Variants in SCARF2 observed in about 807,000 individuals in gnomAD.
SCARF2 encodes the protein scavenger receptor class F member 2.
SCARF2 carries 39 observed loss-of-function variants against 73.4 expected under a neutral mutation model. The observed-to-expected ratio is 0.53, with a 90% CI of 0.41 to 0.69. The LOEUF (loss-of-function observed/expected upper bound fraction) is 0.69, where lower values mean the gene tolerates loss of function less well. Ranked by LOEUF, SCARF2 falls within the 30% of genes least tolerant of loss-of-function variation. The probability of loss-of-function intolerance (pLI) is 0.00; values close to 1 mark genes in which losing one functional copy is unlikely to be tolerated. For synonymous variants in SCARF2, 605 were observed against 590.0 expected, an observed-to-expected ratio of 1.03 and a Z score of -0.37; for missense variants, 1,148 against 1,303.5, an observed-to-expected ratio of 0.88 and a Z score of 1.84.
rs1414013820 is a variant in SCARF2, at chr22:20,430,870, G to A, written c.893C>T (p.Ala298Val). 6.2e-7 allele frequency: 1 copy of A among 1,604,880 alleles called. No homozygotes were observed. Among genetic ancestry groups the A allele is most frequent in the Non-Finnish European group, 8.5e-7 (1 of 1,178,030 alleles). Residue 298 changes from alanine (A) to valine (V), a missense_variant, in exon 5 of 11, where the codon GCC (alanine) becomes GTC (valine). Physicochemically the swap from Ala to Val is moderately conservative, Grantham distance 64. Coordinates refer to ENST00000622235, the MANE Select transcript of SCARF2 (RefSeq NM_182895.5). ...QCKGQQPCTV[A>V]EGRCLTCEPG... Reference sequence around the variant, plus strand: ...CTCGCACGTCAAGCAGCGGCCCTCGGCCACCGTGCACGGCTGCTGGCCCTT... The same window carrying A: ...CTCGCACGTCAAGCAGCGGCCCTCGACCACCGTGCACGGCTGCTGGCCCTT...
At position 20,430,578 on chromosome 22, in the gene SCARF2, C is replaced by T. The variant is rs200348599; in HGVS notation, c.1074-21G>A. On this transcript the variant is annotated intron_variant, in intron 5 of 10. Coordinates refer to ENST00000622235, the MANE Select transcript of SCARF2 (RefSeq NM_182895.5). ...CGCACCTTGGAAAGAGGGGAGGAGG[C>T]GTCAGCAGAAATGGAGGCAAACGGA... is the stretch of plus-strand genomic sequence containing the variant. 2,178 of 1,611,862 alleles carry T rather than the reference C, an allele frequency of 1.4e-3. 2 individuals carry two copies. The highest frequency in any genetic ancestry group is 1.7e-3 in the Admixed American group (100 of 59,862).
intron 9 of SCARF2, 38 bp from the exon 10 acceptor site, chr22:20,427,588 C>T: frequency 6.2e-7 from 1 of 1,607,840 alleles, no homozygotes; most frequent in Non-Finnish European, 8.5e-7. Context: ...GGGGTCCACT[C>T]TGCCCCAGCC....
chr22:20,425,098 G>T lies in SCARF2; in HGVS notation c.*277C>A. The T allele has an allele frequency of 2.7e-6, 1 of 375,302 alleles. No individual in the cohort carries two copies. 23.2% of individuals were successfully genotyped at this position (375,302 alleles called of 1,614,324 possible). On this transcript the variant is annotated 3_prime_UTR_variant, in exon 11 of 11. Coordinates refer to ENST00000622235, the MANE Select transcript of SCARF2 (RefSeq NM_182895.5). The surrounding 1 kb of genome is among the most constrained non-coding windows in gnomAD (Gnocchi z 4.6). ...CCCTCCCATCTTTGGCCAATGAGAC[G>T]CTGTCTGGTCGGAGCGCTCCATAAC...
chr22:20,429,422 G>A lies in SCARF2; in HGVS notation c.1425-82C>T. 1 of 1,557,960 alleles carries A rather than the reference G, an allele frequency of 6.4e-7. No individual in the cohort carries two copies. The highest frequency in any genetic ancestry group is 1.9e-5 in the Admixed American group (1 of 53,108). On this transcript the variant is annotated intron_variant, in intron 8 of 10. Transcript: ENST00000622235. The surrounding 1 kb of genome is among the most constrained non-coding windows in gnomAD (Gnocchi z 5.2). Reference sequence around the variant, plus strand: ...TAGATCTCGGCCGGAGCCAAGCACAGAAGGGGCGGGGCCACGTCCGGGGCA... The same window carrying A: ...TAGATCTCGGCCGGAGCCAAGCACAAAAGGGGCGGGGCCACGTCCGGGGCA...
chr22:20,434,495 A>G (rs1355654413), intron 1 of SCARF2, among the ~76,000 whole-genome samples: 1 of 152,246 alleles, frequency 6.6e-6, no homozygotes, highest in East Asian at 1.9e-4. Context: ...GCTAATGCCC[A>G]CCAGCAGGAC....
chr22:20,435,654 G>A (rs964642797), intron 1 of SCARF2, among the ~76,000 whole-genome samples: 3 of 152,116 alleles, frequency 2.0e-5, no homozygotes, highest in African/African-American at 7.2e-5. Context: ...CACCCACAGG[G>A]CCTCCGTGCT....
chr22:20,425,825 G>A lies in SCARF2; in HGVS notation c.2151C>T (p.Arg717=), dbSNP rs1419251997. Residue 717 remains arginine (R), a synonymous_variant, in exon 11 of 11, where the codon CGC becomes CGT. Transcript: ENST00000622235. The surrounding 1 kb of genome is among the most constrained non-coding windows in gnomAD (Gnocchi z 4.6). ...HTVEHGSPRT[R]DPTPRPPGLP... is the part of the protein sequence containing the mutation. ...GCCCGGGGGGCCGCGGCGTTGGGTC[G>A]CGGGTCCGGGGGCTGCCGTGTTCGA... The A allele has an allele frequency of 1.9e-6, 3 of 1,549,692 alleles. No homozygotes were observed. The highest frequency in any genetic ancestry group is 2.8e-5 in the African/African-American group (2 of 70,252).
intron 9 of SCARF2, among the ~76,000 whole-genome samples, chr22:20,428,405 A>G (rs775853743): frequency 1.3e-5 from 2 of 151,936 alleles, no homozygotes; most frequent in Non-Finnish European, 2.9e-5. Context: ...CCCAGGTTCA[A>G]GTGATTCTCT....
Position 20,431,598 on chromosome 22 carries a change from G to A in SCARF2, c.335-61C>T. 6 of 1,543,330 alleles carry A rather than the reference G, an allele frequency of 3.9e-6. No individual in the cohort carries two copies. The African/African-American group carries it at 4.1e-5, about 11-fold the overall frequency. ...GTGCTTGAGTAGGTGCCCCCAGCCA[G>A]CCGGAACCTGCCCGCGTCCCGCACT... On this transcript the variant is annotated intron_variant, in intron 3 of 10. Transcript: ENST00000622235.
rs12484828 is a variant in SCARF2 at position 20,427,541 on chromosome 22, T to C, written c.1550A>G (p.His517Arg). 2 of 1,613,138 alleles carry C rather than the reference T, an allele frequency of 1.2e-6. No homozygotes were observed. The highest frequency in any genetic ancestry group is 3.3e-5 in the Admixed American group (2 of 60,004). The change falls in exon 10 of 11, where the codon CAC (histidine) becomes CGC (arginine). Residue 517 changes from histidine (H) to arginine (R), a missense_variant. His to Arg is a conservative substitution (Grantham distance 29, BLOSUM62 0). Around this residue, in one of 5 missense-constraint regions of SCARF2, gnomAD observed 437 missense variants for 433.6 expected, o/e 1.01. Coordinates refer to ENST00000622235, the MANE Select transcript of SCARF2 (RefSeq NM_182895.5). ...QKLPKVVVAHHDLDNTLNCSF... is the reference protein window; with the variant it reads ...QKLPKVVVAHRDLDNTLNCSF... ...GCAGTTGAGTGTGTTATCCAGGTCG[T>C]GGTGGGCCACTGGGGAAGGATGAGG...
At position 20,425,552 on chromosome 22, in the gene SCARF2, C is replaced by A. The variant is rs776515068; in HGVS notation, c.2424G>T (p.Pro808=). The change falls in exon 11 of 11, where the codon CCG becomes CCT. Residue 808 remains proline (P), a synonymous_variant. Transcript: ENST00000622235. The surrounding 1 kb of genome is among the most constrained non-coding windows in gnomAD (Gnocchi z 4.6). ...GGGGCGCGCGGGCGGGCGAGGCTGG[C>A]GGCACGGAGCGCTTGGCTTTCTGTG... ...APPQKAKRSV[P]PASPARAPPA... is the part of the protein sequence containing the mutation. 2 of 1,337,218 alleles carry A rather than the reference C, an allele frequency of 1.5e-6. No homozygotes were observed. The highest frequency in any genetic ancestry group is 1.9e-6 in the Non-Finnish European group (2 of 1,047,710). 82.8% of individuals were successfully genotyped at this position (1,337,218 alleles called of 1,614,324 possible). A position where few individuals can be genotyped will look rare whatever the true frequency, so the allele number is the denominator to read the frequency against.
rs874100 is a variant in SCARF2, at chr22:20,425,532, G to T, written c.2444C>A (p.Ala815Glu). Reference sequence around the variant, plus strand: ...CCCCGGGGTTTCGGTCGCTGGGGGCGCGCGGGCGGGCGAGGCTGGCGGCAC... The same window carrying T: ...CCCCGGGGTTTCGGTCGCTGGGGGCTCGCGGGCGGGCGAGGCTGGCGGCAC... ...RSVPPASPAR[A>E]PPATETPGPE... Residue 815 changes from alanine to glutamate, a missense_variant, in exon 11 of 11, where the codon GCG (alanine) becomes GAG (glutamate). Physicochemically the swap from Ala to Glu is moderately radical, Grantham distance 107. This residue lies in a region of SCARF2 where 169 missense variants were observed against 136.9 expected (regional missense o/e 1.23). Transcript: ENST00000622235. The surrounding 1 kb of genome is among the most constrained non-coding windows in gnomAD (Gnocchi z 4.6). 96 of 1,341,890 alleles carry T rather than the reference G, an allele frequency of 7.2e-5. No individual in the cohort carries two copies. Among genetic ancestry groups the T allele is most frequent in the African/African-American group, 3.2e-4 (21 of 65,588 alleles). The allele number at this position is 1,341,890 out of a possible 1,614,324, so 83.1% of individuals were successfully genotyped here. A position where few individuals can be genotyped will look rare whatever the true frequency, so the allele number is the denominator to read the frequency against.
In SCARF2 at chr22:20,431,243, C is replaced by T; in HGVS notation, c.629G>A (p.Ser210Asn). The change falls in exon 4 of 11, where the codon AGC (serine) becomes AAC (asparagine). Residue 210 changes from serine (S) to asparagine (N), a missense_variant. Ser to Asn is a conservative substitution (Grantham distance 46). Transcript: ENST00000622235. ...CLCHAGWWGR[S>N]CNNQCACNSS... ...GTTGCAGGCGCACTGGTTGTTGCAG[C>T]TGCGGCCCCACCAGCCTGCGTGGCA... The T allele has an allele frequency of 6.4e-7, 1 of 1,553,296 alleles. No individual in the cohort carries two copies. Among genetic ancestry groups the T allele is most frequent in the Non-Finnish European group, 8.6e-7 (1 of 1,157,838 alleles).
Position 20,425,301 on chromosome 22 carries a change from G to A in SCARF2, c.*74C>T. 1.6e-6 allele frequency: 2 copies of A among 1,240,520 alleles called. No individual in the cohort carries two copies. Among genetic ancestry groups the A allele is most frequent in the Admixed American group, 3.9e-5 (1 of 25,554 alleles). 76.8% of individuals were successfully genotyped at this position (1,240,520 alleles called of 1,614,324 possible). ...GCCAATAGGAGGCCGCCCGTGCCCG[G>A]TAGCGTGGGAGGTGTGGGGTGGCGG... On this transcript the variant is annotated 3_prime_UTR_variant, in exon 11 of 11. Transcript: ENST00000622235. This position sits in a 1 kb window ranked among gnomAD's most constrained non-coding sequence, Gnocchi z 4.6.
intron 9 of SCARF2, 30 bp from the exon 10 acceptor site, chr22:20,427,580 G>T: frequency 6.2e-7 from 1 of 1,610,490 alleles, no homozygotes; most frequent in Non-Finnish European, 8.5e-7. Flanking sequence ...AGCTGCCAGG[G>T]GTCCACTCTG....
chr22:20,431,670 G>T, intron 3 of SCARF2, 75 bp downstream of exon 3: 2 of 526,598 alleles, frequency 3.8e-6, no homozygotes, highest in Non-Finnish European at 6.1e-6. Flanking sequence ...ATCCGACCCC[G>T]CCCCACCTTG....
Position 20,437,675 on chromosome 22 carries a change from G to A in SCARF2, c.80C>T (p.Ser27Leu). The A allele has an allele frequency of 7.3e-6, 11 of 1,504,182 alleles. No homozygotes were observed. The highest frequency in any genetic ancestry group is 1.2e-5 in the South Asian group (1 of 80,996). The allele number at this position is 1,504,182 out of a possible 1,614,324, so 93.2% of individuals were successfully genotyped here. The change falls in exon 1 of 11, where the codon TCG (serine) becomes TTG (leucine). Residue 27 changes from serine to leucine, a missense_variant. Around this residue, in one of 5 missense-constraint regions of SCARF2, gnomAD observed 124 missense variants for 120.4 expected, o/e 1.03. Coordinates refer to ENST00000622235, the MANE Select transcript of SCARF2 (RefSeq NM_182895.5). ...CCAGAGCAGCAGCAGCAGCAGCAGC[G>A]ACGGCAGCAGCGGTGACGGCGGCCC... ...AGGPPSPLLP[S>L]LLLLLLLWML...
chr22:20,433,357 C>T (rs2052667684), intron 1 of SCARF2, among the ~76,000 whole-genome samples: 1 of 152,138 alleles, frequency 6.6e-6, no homozygotes, highest in African/African-American at 2.4e-5. Context: ...CACGCTTCTT[C>T]ACAAGCAGGC....
chr22:20,431,140 G>A lies in SCARF2; in HGVS notation c.732C>T (p.Cys244=). The A allele has an allele frequency of 6.4e-7, 1 of 1,567,748 alleles. No homozygotes were observed. The highest frequency in any genetic ancestry group is 8.6e-7 in the Non-Finnish European group (1 of 1,165,702). The change falls in exon 4 of 11, where the codon TGC becomes TGT. Residue 244 remains cysteine (C), a synonymous_variant. Coordinates refer to ENST00000622235, the MANE Select transcript of SCARF2 (RefSeq NM_182895.5). ...RTFGARCDRY[C]QCFRGRCHPV... ...GGTGGCAGCGGCCGCGGAAGCACTG[G>A]CAGTAGCGATCGCAGCGCGCGCCGA...
Sources: gnomAD v4.1 joint callset for allele counts (sites outside exome capture counted in the v4.1 genomes callset) on GRCh38, gnomAD v4.1.1 for gene constraint, gnomAD v4.1.1 regional missense constraint, Gnocchi (gnomAD v3.1) non-coding constraint, MANE v1.5 for transcripts, NCBI Gene and HGNC (gene_info 2026-07-23, HGNC 2026-07-21) for gene names.